Variants in RBFOX1 observed in about 807,000 individuals in gnomAD.
RBFOX1 encodes RNA binding protein fox-1 homolog 1.
A neutral mutation model predicts 57.7 loss-of-function variants in RBFOX1; 8 were observed. The ratio of observed to expected loss-of-function variants is 0.14; its 90% CI spans 0.08 to 0.25. The LOEUF (loss-of-function observed/expected upper bound fraction) is 0.25. Ranked by LOEUF, RBFOX1 falls within the 10% of genes least tolerant of loss-of-function variation. The pLI is 1.00. For missense variants in RBFOX1, 611 were observed against 548.5 expected (o/e 1.11, Z -1.14); for synonymous variants, 326 against 222.4 (o/e 1.47, Z -4.15).
At chr16:5,636,869 T>C (rs1037376072) in intron 3 of RBFOX1, among the ~76,000 whole-genome samples, 14 of 152,258 alleles carry the variant, frequency 9.2e-5, no homozygotes, top group Admixed American at 7.8e-4. Context: ...ACCCACAAAT[T>C]AATCATTTTT....
intron 3 of RBFOX1, among the ~76,000 whole-genome samples, chr16:5,637,218 A>C (rs2048710745): frequency 6.6e-6 from 1 of 152,210 alleles, no homozygotes; most frequent in African/African-American, 2.4e-5. Flanking sequence ...ATCAGCCTAA[A>C]GTAGGCTTTC....
intron 1 of RBFOX1, among the ~76,000 whole-genome samples, chr16:5,343,976 A>T (rs1023679871): frequency 1.3e-5 from 2 of 152,148 alleles, no homozygotes. Flanking sequence ...TAACCAAGAG[A>T]CTAGACTTTC....
At chr16:7,221,714 T>A (rs1346163131) in intron 4 of RBFOX1, among the ~76,000 whole-genome samples, 1 of 152,170 alleles carries the variant, frequency 6.6e-6, no homozygotes, top group South Asian at 2.1e-4. Flanking sequence ...TATATACTTT[T>A]AAAAAGCACT....
At chr16:5,344,585 T>G (rs1031847802) in intron 1 of RBFOX1, among the ~76,000 whole-genome samples, 9 of 152,174 alleles carry the variant, frequency 5.9e-5, no homozygotes, top group African/African-American at 2.2e-4. Flanking sequence ...CCATTTTCCT[T>G]CTTGGGATGT....
At chr16:6,753,206 G>C (rs2075248927) in intron 3 of RBFOX1, among the ~76,000 whole-genome samples, 1 of 152,126 alleles carries the variant, frequency 6.6e-6, no homozygotes, top group African/African-American at 2.4e-5. Flanking sequence ...TTGCAGAGAG[G>C]GATGGACAGA....
At chr16:7,496,170 G>C (rs775674122) in intron 4 of RBFOX1, among the ~76,000 whole-genome samples, 1 of 152,096 alleles carries the variant, frequency 6.6e-6, no homozygotes, top group Non-Finnish European at 1.5e-5. Context: ...TTGAAGTAGG[G>C]TCTTGCTCTG....
chr16:7,301,363 C>T (rs1461169950), intron 4 of RBFOX1, among the ~76,000 whole-genome samples: 3 of 152,178 alleles, frequency 2.0e-5, no homozygotes, highest in Non-Finnish European at 4.4e-5. Flanking sequence ...GAGAGCAGAG[C>T]CCGACTCCAA....
At chr16:7,029,152 A>G (rs374273534) in intron 3 of RBFOX1, among the ~76,000 whole-genome samples, 1 of 86,336 alleles carries the variant, frequency 1.2e-5, no homozygotes, top group Non-Finnish European at 2.5e-5. Flanking sequence ...GTATATATGT[A>G]TATATATACA....
chr16:6,874,182 T>TAC (rs141129819), intron 3 of RBFOX1, among the ~76,000 whole-genome samples: 116,642 of 151,606 alleles, frequency 0.77, 45,964 homozygotes, highest in African/African-American at 0.94. Context: ...GGTGTGTGCA[T>TAC]ACACACACAA....
At chr16:5,516,258 C>T (rs964913058) in intron 2 of RBFOX1, among the ~76,000 whole-genome samples, 2 of 152,080 alleles carry the variant, frequency 1.3e-5, no homozygotes, top group Non-Finnish European at 2.9e-5. Flanking sequence ...CACTTTCTGT[C>T]TCCCATTATT....
chr16:6,146,983 G>A (rs955374851), intron 1 of RBFOX1, among the ~76,000 whole-genome samples: 2 of 152,158 alleles, frequency 1.3e-5, no homozygotes, highest in Non-Finnish European at 2.9e-5. Context: ...CCCACTGGTC[G>A]TGCATTAAAG....
chr16:5,341,093 C>T (rs540631955), intron 1 of RBFOX1, among the ~76,000 whole-genome samples: 17 of 152,226 alleles, frequency 1.1e-4, no homozygotes, highest in African/African-American at 2.2e-4. Context: ...GAGGCAGGAA[C>T]AAGCTTGGTG....
intron 5 of RBFOX1, chr16:7,519,622 T>G: frequency 2.4e-6 from 2 of 848,186 alleles, no homozygotes. Flanking sequence ...CCACAAAACC[T>G]GTATGGAACA....
chr16:5,758,519 A>G (rs7189389), intron 3 of RBFOX1, among the ~76,000 whole-genome samples: 39,720 of 152,116 alleles, frequency 0.26, 6,000 homozygotes, highest in East Asian at 0.57. Context: ...TGGTGTCCAA[A>G]GTGAGCCATT....
At chr16:7,564,227 T>TTG (rs1567848926) in intron 5 of RBFOX1, among the ~76,000 whole-genome samples, 8 of 151,764 alleles carry the variant, frequency 5.3e-5, no homozygotes, top group Non-Finnish European at 1.2e-4. Context: ...CCCTCCCTCT[T>TTG]CCATCTGAGA....
intron 4 of RBFOX1, among the ~76,000 whole-genome samples, chr16:7,244,477 A>G (rs578139568): frequency 1.9e-4 from 29 of 152,224 alleles, no homozygotes; most frequent in African/African-American, 7.0e-4. Context: ...TCTTTGCAAA[A>G]TCATATTCAG....
chr16:7,088,544 G>GTTT lies in RBFOX1; in HGVS notation c.27+36453_27+36455dup, dbSNP rs71147650. ...AAATACTCTGTAGTTGTTTTTTGTT[G>GTTT]TTTTTTTTTCTGGAGATCGTATTAA... On this transcript the variant is annotated intron_variant, in intron 4 of 15. Coordinates refer to ENST00000550418, the MANE Select transcript of RBFOX1 (RefSeq NM_018723.4). 4.0e-5 allele frequency among the ~76,000 whole-genome samples: 6 copies of GTTT among 150,852 alleles called. No homozygotes were observed. The South Asian group carries it at 1.3e-3, about 32-fold the overall frequency.
chr16:5,897,921 C>G (rs992174107), intron 4 of RBFOX1, among the ~76,000 whole-genome samples: 1 of 151,780 alleles, frequency 6.6e-6, no homozygotes, highest in Admixed American at 6.6e-5. Flanking sequence ...TCATAGTCCC[C>G]TGGAAAACCA....
chr16:5,759,180 A>G (rs1182635347), intron 3 of RBFOX1, among the ~76,000 whole-genome samples: 4 of 152,174 alleles, frequency 2.6e-5, no homozygotes, highest in Non-Finnish European at 4.4e-5. Flanking sequence ...CTAACTTCCT[A>G]TCCACGAAGG....
Sources: allele counts gnomAD v4.1 joint callset (sites outside exome capture counted in the v4.1 genomes callset), GRCh38; gene constraint gnomAD v4.1.1; transcripts MANE v1.5; gene names NCBI Gene and HGNC (gene_info 2026-07-23, HGNC 2026-07-21).